The following CHSY3 variants were observed in gnomAD, a reference collection of about 807,000 sequenced individuals.
CHSY3 encodes chondroitin sulfate synthase 3.
In CHSY3, 35 loss-of-function variants were observed where a neutral mutation model predicts 67.2. The ratio of observed to expected loss-of-function variants is 0.52; its 90% CI spans 0.40 to 0.69. The LOEUF is 0.69. Ranked by LOEUF, CHSY3 falls within the 30% of genes least tolerant of loss-of-function variation. The pLI, the probability that CHSY3 is intolerant of heterozygous loss-of-function variation, is 0.00. For missense variants in CHSY3, 1,069 were observed against 1,138.5 expected, an observed-to-expected ratio of 0.94 and a Z score of 0.88; for synonymous variants, 474 against 434.7, an observed-to-expected ratio of 1.09 and a Z score of -1.12.
intron 2 of CHSY3, among the ~76,000 whole-genome samples, chr5:129,995,752 C>T (rs1763520366): frequency 6.6e-6 from 1 of 151,950 alleles, no homozygotes; most frequent in African/African-American, 2.4e-5. Flanking sequence ...TGATCTGGTT[C>T]CAAACCATCT....
chr5:129,980,290 A>T (rs1762944831), intron 2 of CHSY3, among the ~76,000 whole-genome samples: 1 of 152,210 alleles, frequency 6.6e-6, no homozygotes, highest in Non-Finnish European at 1.5e-5. Context: ...GGTATATAGT[A>T]GTATCTCATT....
intron 2 of CHSY3, among the ~76,000 whole-genome samples, chr5:129,980,360 A>C (rs1476578576): frequency 6.6e-6 from 1 of 152,166 alleles, no homozygotes; most frequent in Admixed American, 6.5e-5. Context: ...CACATTTGAC[A>C]TTTCATTCAC....
chr5:130,068,479 A>C (rs936489790), intron 2 of CHSY3, among the ~76,000 whole-genome samples: 12 of 152,122 alleles, frequency 7.9e-5, no homozygotes, highest in Non-Finnish European at 1.5e-4. Flanking sequence ...GAACAACAAC[A>C]ACAACAAAAA....
chr5:130,037,140 G>A (rs1415223947), intron 2 of CHSY3, among the ~76,000 whole-genome samples: 2 of 152,116 alleles, frequency 1.3e-5, no homozygotes, highest in Non-Finnish European at 2.9e-5. Context: ...GGATAGCAAG[G>A]AGGCAAATTG....
At chr5:130,130,359 A>G (rs1255766162) in intron 2 of CHSY3, among the ~76,000 whole-genome samples, 1 of 152,148 alleles carries the variant, frequency 6.6e-6, no homozygotes, top group Non-Finnish European at 1.5e-5. Flanking sequence ...TGAAATCCAT[A>G]TACCTAAATC....
chr5:130,111,511 A>T (rs1767591422), intron 2 of CHSY3, among the ~76,000 whole-genome samples: 1 of 152,096 alleles, frequency 6.6e-6, no homozygotes, highest in Non-Finnish European at 1.5e-5. Context: ...ATTCAATATG[A>T]TTATTTATTT....
At chr5:129,969,037 A>G (rs1379657942) in intron 2 of CHSY3, among the ~76,000 whole-genome samples, 1 of 151,838 alleles carries the variant, frequency 6.6e-6, no homozygotes, top group Non-Finnish European at 1.5e-5. Context: ...TGATTAATGG[A>G]TATCACATTA....
At chr5:130,131,303 A>G (rs935641943) in intron 2 of CHSY3, among the ~76,000 whole-genome samples, 3 of 152,086 alleles carry the variant, frequency 2.0e-5, no homozygotes, top group African/African-American at 7.2e-5. Context: ...CTGTCTAGAC[A>G]CCACTGTTGC....
At chr5:130,040,463 T>A (rs1448599253) in intron 2 of CHSY3, among the ~76,000 whole-genome samples, 1 of 152,118 alleles carries the variant, frequency 6.6e-6, no homozygotes, top group Non-Finnish European at 1.5e-5. Context: ...ACAGTAAAAA[T>A]GGTTAAACTG....
intron 2 of CHSY3, among the ~76,000 whole-genome samples, chr5:130,135,336 C>A (rs1010634961): frequency 1.3e-5 from 2 of 151,888 alleles, no homozygotes; most frequent in African/African-American, 4.8e-5. Flanking sequence ...TCAATCACAT[C>A]TCTTTAAACT....
chr5:129,956,151 CCCG>C (rs1447006235), intron 2 of CHSY3, among the ~76,000 whole-genome samples: 1 of 152,140 alleles, frequency 6.6e-6, no homozygotes, highest in Non-Finnish European at 1.5e-5. Context: ...AATTTACACT[CCCG>C]CCAACAGTGT....
intron 2 of CHSY3, among the ~76,000 whole-genome samples, chr5:130,180,747 C>A (rs956980383): frequency 7.2e-5 from 11 of 151,726 alleles, no homozygotes; most frequent in Non-Finnish European, 1.6e-4. Flanking sequence ...CCTAGCTACT[C>A]AGGAGGCTGA....
intron 2 of CHSY3, among the ~76,000 whole-genome samples, chr5:130,107,704 G>A (rs978998248): frequency 2.6e-5 from 4 of 151,564 alleles, no homozygotes; most frequent in African/African-American, 9.7e-5. Flanking sequence ...TGACTACACA[G>A]AATAGATACA....
chr5:129,949,715 A>C (rs537105110), intron 2 of CHSY3, among the ~76,000 whole-genome samples: 1 of 152,336 alleles, frequency 6.6e-6, no homozygotes, highest in East Asian at 1.9e-4. Flanking sequence ...AATCCCCAAC[A>C]AAACCAGAGT....
At chr5:129,981,048 T>TACA in intron 2 of CHSY3, among the ~76,000 whole-genome samples, 1 of 14,296 alleles carries the variant, frequency 7.0e-5, no homozygotes. Context: ...CTACTGAAAA[T>TACA]ACAAAAAAAA....
intron 2 of CHSY3, among the ~76,000 whole-genome samples, chr5:129,933,227 G>A (rs1436577004): frequency 6.6e-6 from 1 of 152,088 alleles, no homozygotes; most frequent in East Asian, 1.9e-4. Flanking sequence ...CTGTTAGCCT[G>A]GATGGCCACA....
chr5:129,942,554 G>A (rs986155775), intron 2 of CHSY3, among the ~76,000 whole-genome samples: 2 of 152,048 alleles, frequency 1.3e-5, no homozygotes, highest in East Asian at 3.9e-4. Context: ...TATATTTATT[G>A]TACCAGACAC....
chr5:130,125,767 A>T (rs1768261171), intron 2 of CHSY3, among the ~76,000 whole-genome samples: 1 of 152,218 alleles, frequency 6.6e-6, no homozygotes. Context: ...CAAAAGAGGT[A>T]AGTGATCCCA....
intron 2 of CHSY3, among the ~76,000 whole-genome samples, chr5:130,106,735 T>C (rs1462981206): frequency 2.0e-5 from 3 of 151,606 alleles, no homozygotes; most frequent in Non-Finnish European, 3.0e-5. Flanking sequence ...AAATTTATAA[T>C]CTCAGCTGTC....
Sources: gnomAD v4.1 joint callset for allele counts (sites outside exome capture counted in the v4.1 genomes callset) on GRCh38, gnomAD v4.1.1 for gene constraint, MANE v1.5 for transcripts, NCBI Gene and HGNC (gene_info 2026-07-23, HGNC 2026-07-21) for gene names.